Variants in SMAD3 observed in about 807,000 individuals in gnomAD.
The protein encoded by SMAD3 is SMAD family member 3, also known as MAD homolog 3.
Under a neutral mutation model 51.8 loss-of-function variants are expected in SMAD3, and 12 were observed. That is an observed-to-expected ratio of 0.23 (90% CI 0.15 to 0.38). The LOEUF (loss-of-function observed/expected upper bound fraction) is 0.38, where lower values mean the gene tolerates loss of function less well. SMAD3 is among the 10% of genes least tolerant of loss of function. The pLI is 1.00. For missense variants in SMAD3, 294 were observed against 565.6 expected, an observed-to-expected ratio of 0.52 and a Z score of 4.87; for synonymous variants, 238 against 227.7, an observed-to-expected ratio of 1.05 and a Z score of -0.41.
At chr15:67,071,343 G>T (rs1159386827) in intron 1 of SMAD3, among the ~76,000 whole-genome samples, 1 of 152,148 alleles carries the variant, frequency 6.6e-6, no homozygotes, top group Non-Finnish European at 1.5e-5. Context: ...ATGTTACCTT[G>T]TAACTGGCAC....
At chr15:67,162,554 T>G (rs539611539) in intron 1 of SMAD3, among the ~76,000 whole-genome samples, 244 of 152,284 alleles carry the variant, frequency 1.6e-3, no homozygotes, top group Non-Finnish European at 3.1e-3. Flanking sequence ...GGCTACATAC[T>G]GCTTTTAGAA....
At chr15:67,117,750 C>T (rs72743439) in intron 1 of SMAD3, among the ~76,000 whole-genome samples, 2,333 of 152,302 alleles carry the variant, frequency 0.015, 24 homozygotes, top group Non-Finnish European at 0.022. Flanking sequence ...CATAGAAGCA[C>T]ATAGTACTAA....
At chr15:67,129,298 G>A (rs777645259) in intron 1 of SMAD3, among the ~76,000 whole-genome samples, 4 of 152,172 alleles carry the variant, frequency 2.6e-5, no homozygotes, top group African/African-American at 4.8e-5. Flanking sequence ...CAGTGTTGCC[G>A]GATATCACTG....
chr15:67,094,130 C>T (rs536782783), intron 1 of SMAD3, among the ~76,000 whole-genome samples: 2 of 152,332 alleles, frequency 1.3e-5, no homozygotes, highest in South Asian at 4.1e-4. Flanking sequence ...GTGGGACCAC[C>T]TGAGGCCTGC....
chr15:67,098,882 G>T, intron 1 of SMAD3: 1 of 702,112 alleles, frequency 1.4e-6, no homozygotes, highest in Non-Finnish European at 2.6e-6. Context: ...GGATGGGAGG[G>T]TGGACTCCGT....
At chr15:67,170,410 C>T (rs1962715655) in intron 4 of SMAD3, 144 bp from the exon 5 acceptor site, 4 of 722,434 alleles carry the variant, frequency 5.5e-6, no homozygotes, top group African/African-American at 1.7e-5. Flanking sequence ...AGGGTATGGG[C>T]TAGGCCTTCT....
chr15:67,066,094 C>A lies in SMAD3; in HGVS notation c.-61C>A. On this transcript the variant is annotated 5_prime_UTR_variant, in exon 1 of 9. Coordinates refer to ENST00000327367, the MANE Select transcript of SMAD3 (RefSeq NM_005902.4). ...GCCGAGCTCCCCTCTGCGCCCCCGG[C>A]GTCCCGTCGAGCCCAGCCCCGCCGG... The A allele has an allele frequency of 2.3e-6, 3 of 1,327,906 alleles. No individual in the cohort carries two copies. Among genetic ancestry groups the A allele is most frequent in the Non-Finnish European group, 2.1e-6 (2 of 961,186 alleles). 82.3% of individuals were successfully genotyped at this position (1,327,906 alleles called of 1,614,324 possible).
At chr15:67,143,623 C>A (rs1168716231) in intron 1 of SMAD3, among the ~76,000 whole-genome samples, 1 of 152,106 alleles carries the variant, frequency 6.6e-6, no homozygotes, top group African/African-American at 2.4e-5. Flanking sequence ...TTAGTAGAAA[C>A]CATTTTCACC....
At position 67,107,694 on chromosome 15, in the gene SMAD3, C is replaced by T. The variant is rs573476788; in HGVS notation, c.206+41334C>T. 2.0e-5 allele frequency among the ~76,000 whole-genome samples: 3 copies of T among 152,348 alleles called. No homozygotes were observed. The East Asian group carries it at 5.8e-4, about 29-fold the overall frequency. ...CCCTCTGTCCCTCCACTTCCCTTCCCTGCCCCATACTGTTGCCCTCACCCA... is the reference window on the plus strand; with the variant it reads ...CCCTCTGTCCCTCCACTTCCCTTCCTTGCCCCATACTGTTGCCCTCACCCA... On this transcript the variant is annotated intron_variant, in intron 1 of 8. Transcript: ENST00000327367.
chr15:67,169,959 A>G (rs1330106838), intron 4 of SMAD3, among the ~76,000 whole-genome samples: 1 of 152,178 alleles, frequency 6.6e-6, no homozygotes, highest in Non-Finnish European at 1.5e-5. Context: ...CATCTTTTGC[A>G]TAAAGTGTTT....
At chr15:67,123,703 T>C (rs1350875344) in intron 1 of SMAD3, among the ~76,000 whole-genome samples, 10 of 152,234 alleles carry the variant, frequency 6.6e-5, no homozygotes, top group Non-Finnish European at 1.0e-4. Flanking sequence ...GACAAACTTA[T>C]TTTGAAATAG....
intron 1 of SMAD3, among the ~76,000 whole-genome samples, chr15:67,143,455 G>A (rs1304607186): frequency 2.0e-5 from 3 of 152,284 alleles, no homozygotes; most frequent in East Asian, 3.9e-4. Flanking sequence ...TTTGTTTGGA[G>A]GCAGAGTCTC....
chr15:67,072,819 G>T (rs1189919973), intron 1 of SMAD3, among the ~76,000 whole-genome samples: 1 of 152,224 alleles, frequency 6.6e-6, no homozygotes, highest in African/African-American at 2.4e-5. Flanking sequence ...CCTGGAAACA[G>T]TGGGAAGTTG....
intron 1 of SMAD3, among the ~76,000 whole-genome samples, chr15:67,129,020 C>T (rs562804414): frequency 6.6e-6 from 1 of 152,252 alleles, no homozygotes; most frequent in East Asian, 1.9e-4. Flanking sequence ...GCCACTTACC[C>T]GAGGCCACAT....
At chr15:67,089,577 T>G (rs1960467565) in intron 1 of SMAD3, among the ~76,000 whole-genome samples, 1 of 152,182 alleles carries the variant, frequency 6.6e-6, no homozygotes, top group Admixed American at 6.5e-5. Flanking sequence ...TTGTCTACAC[T>G]GTGTTGCCTC....
At chr15:67,093,613 A>C (rs190035753) in intron 1 of SMAD3, among the ~76,000 whole-genome samples, 358 of 152,358 alleles carry the variant, frequency 2.3e-3, no homozygotes, top group Admixed American at 4.1e-3. Context: ...GGATGTGAGC[A>C]AACTGGATCC....
intron 1 of SMAD3, among the ~76,000 whole-genome samples, chr15:67,074,406 C>CA (rs1960123016): frequency 6.6e-6 from 1 of 152,218 alleles, no homozygotes; most frequent in Non-Finnish European, 1.5e-5. Flanking sequence ...GCTCATATGT[C>CA]AAAGTTTACC....
intron 7 of SMAD3, 114 bp downstream of exon 7, chr15:67,184,978 C>A (rs1963185197): frequency 7.3e-6 from 10 of 1,360,660 alleles, no homozygotes; most frequent in Non-Finnish European, 1.0e-5. Context: ...ATTGCGTTGT[C>A]AATCTGGAGG....
chr15:67,146,935 A>C (rs1268296197), intron 1 of SMAD3: 2 of 152,186 alleles, frequency 1.3e-5, no homozygotes. Flanking sequence ...GGCAGAGTTG[A>C]AAGGGTGTCC....
Sources: gnomAD v4.1 joint callset for allele counts (sites outside exome capture counted in the v4.1 genomes callset) on GRCh38, gnomAD v4.1.1 for gene constraint, MANE v1.5 for transcripts, NCBI Gene and HGNC (gene_info 2026-07-23, HGNC 2026-07-21) for gene names.